Variants in TASP1 observed in about 807,000 individuals in gnomAD.
TASP1 encodes the protein threonine aspartase 1.
In TASP1, 16 loss-of-function variants were observed where a neutral mutation model predicts 56.6. The ratio of observed to expected loss-of-function variants is 0.28; its 90% CI spans 0.19 to 0.43. The LOEUF (loss-of-function observed/expected upper bound fraction) is 0.43. Among genes scored for constraint, TASP1 ranks in the 20% least tolerant of loss-of-function variants. The pLI is 1.00. For missense variants in TASP1, 393 were observed against 511.6 expected (o/e 0.77, Z 2.24); for synonymous variants, 179 against 184.2 (o/e 0.97, Z 0.23).
the TASP1 span, among the ~76,000 whole-genome samples, chr20:13,273,726 C>T: frequency 4.6e-5 from 7 of 152,144 alleles, no homozygotes; most frequent in South Asian, 2.1e-4. Context: ...AAAATTAATG[C>T]GGCTCCAGCC....
At chr20:13,344,211 T>C in the TASP1 span, among the ~76,000 whole-genome samples, 1 of 152,250 alleles carries the variant, frequency 6.6e-6, no homozygotes, top group Non-Finnish European at 1.5e-5. Context: ...ACCCTTGATC[T>C]TGACCTGCAA....
chr20:13,441,169 C>A lies in TASP1; in HGVS notation c.986-6015G>T, dbSNP rs1349624027. On this transcript the variant is annotated intron_variant, in intron 11 of 13. Transcript: ENST00000337743. ...CTCCCTTCATTCCCACTGACAAGAC[C>A]CTCAATGTATTCTCATTGTCCAAGA... Among the ~76,000 whole-genome samples, 4 of 152,238 alleles carry A rather than the reference C, an allele frequency of 2.6e-5. No homozygotes were observed. The East Asian group carries it at 5.8e-4, about 22-fold the overall frequency.
intron 11 of TASP1, among the ~76,000 whole-genome samples, chr20:13,445,669 T>C (rs957293599): frequency 6.6e-6 from 1 of 152,160 alleles, no homozygotes; most frequent in Admixed American, 6.6e-5. Flanking sequence ...AAGAAGTTCT[T>C]CGCCTTCAGA....
intron 1 of TASP1, among the ~76,000 whole-genome samples, chr20:13,637,863 A>C (rs2049366150): frequency 6.6e-6 from 1 of 152,226 alleles, no homozygotes; most frequent in Admixed American, 6.5e-5. Flanking sequence ...TGAAATTTAC[A>C]ATTTTAAAGA....
the TASP1 span, among the ~76,000 whole-genome samples, chr20:13,179,198 T>C: frequency 6.6e-6 from 1 of 152,198 alleles, no homozygotes; most frequent in Non-Finnish European, 1.5e-5. Flanking sequence ...CACTTACAAA[T>C]AGAATTTTTG....
intron 11 of TASP1, among the ~76,000 whole-genome samples, chr20:13,444,019 T>G (rs542651461): frequency 6.6e-6 from 1 of 152,322 alleles, no homozygotes; most frequent in South Asian, 2.1e-4. Flanking sequence ...GGTGCTGTAT[T>G]CTTGAACAAG....
intron 8 of TASP1, among the ~76,000 whole-genome samples, chr20:13,554,884 G>T (rs1352026426): frequency 6.6e-6 from 1 of 152,170 alleles, no homozygotes; most frequent in Non-Finnish European, 1.5e-5. Flanking sequence ...TAATCAGGGT[G>T]GCAGTTGCTC....
At chr20:13,364,734 CT>C in the TASP1 span, among the ~76,000 whole-genome samples, 2 of 151,842 alleles carry the variant, frequency 1.3e-5, no homozygotes, top group Non-Finnish European at 2.9e-5. Flanking sequence ...TTGAAGTGAC[CT>C]GGGGTAGTTT....
chr20:13,202,892 T>A, the TASP1 span, among the ~76,000 whole-genome samples: 1 of 152,212 alleles, frequency 6.6e-6, no homozygotes, highest in Non-Finnish European at 1.5e-5. Flanking sequence ...AAGATTATAG[T>A]CGGCTTCTAC....
chr20:13,205,100 T>C, the TASP1 span, among the ~76,000 whole-genome samples: 1 of 152,116 alleles, frequency 6.6e-6, no homozygotes, highest in Non-Finnish European at 1.5e-5. Context: ...GTCAAATTGC[T>C]CCTCTGCTTG....
the TASP1 span, among the ~76,000 whole-genome samples, chr20:13,347,874 C>G: frequency 2.0e-5 from 3 of 151,920 alleles, no homozygotes; most frequent in East Asian, 5.8e-4. Flanking sequence ...ATTTTTATTC[C>G]ATTTGCCTCA....
At chr20:13,627,978 G>A (rs1379490757) in intron 2 of TASP1, among the ~76,000 whole-genome samples, 1 of 152,118 alleles carries the variant, frequency 6.6e-6, no homozygotes, top group Non-Finnish European at 1.5e-5. Flanking sequence ...TTATGCACTG[G>A]TCTCCTACGG....
chr20:13,587,409 TAAAA>T (rs750294737), intron 4 of TASP1, 39 bp from the exon 5 acceptor site: 1 of 1,530,798 alleles, frequency 6.5e-7, no homozygotes, highest in African/African-American at 1.4e-5. Context: ...TCATTAGTCT[TAAAA>T]AAAGTATTAA....
intron 11 of TASP1, among the ~76,000 whole-genome samples, chr20:13,476,917 T>A (rs1230295499): frequency 6.6e-6 from 1 of 152,072 alleles, no homozygotes; most frequent in Non-Finnish European, 1.5e-5. Context: ...AAGCTCCAGA[T>A]GGCTACAAAG....
intron 8 of TASP1, among the ~76,000 whole-genome samples, chr20:13,545,414 T>C (rs942535976): frequency 2.6e-5 from 4 of 152,200 alleles, no homozygotes; most frequent in African/African-American, 4.8e-5. Flanking sequence ...GGGCCATTCA[T>C]ACATATTTCA....
At position 13,580,885 on chromosome 20, in the gene TASP1, C is replaced by A. The variant is rs1316070979; in HGVS notation, c.488+12G>T. On this transcript the variant is annotated intron_variant, in intron 6 of 13. Coordinates refer to ENST00000337743, the MANE Select transcript of TASP1 (RefSeq NM_017714.3). ...TAAAGACAGGGAAAGTCAGGAAGAA[C>A]AAAGTGGTTACCAGGGAGGAATTCT... 1 of 1,611,962 alleles carries A rather than the reference C, an allele frequency of 6.2e-7. No homozygotes were observed. Among genetic ancestry groups the A allele is most frequent in the Admixed American group, 1.7e-5 (1 of 59,846 alleles).
chr20:13,585,969 T>C (rs1437463305), intron 5 of TASP1, among the ~76,000 whole-genome samples: 1 of 151,946 alleles, frequency 6.6e-6, no homozygotes, highest in East Asian at 1.9e-4. Context: ...ACCCTGTTTC[T>C]ACTAAAAATG....
At position 13,588,246 on chromosome 20, in the gene TASP1, GAAGA is replaced by G. The variant is rs1235339859; in HGVS notation, c.283-880_283-877del. 5.6e-3 allele frequency among the ~76,000 whole-genome samples: 606 copies of G among 108,690 alleles called. 7 individuals are homozygous for G. Among genetic ancestry groups the G allele is most frequent in the African/African-American group, 0.021 (556 of 26,330 alleles). 71.3% of individuals were successfully genotyped at this position (108,690 alleles called of 152,430 possible). ...AGACAAAAAGGAGAAAGAAAGAAAG[GAAGA>G]AAGGAAGGAAGGAAGGAAGGAAGGA... On this transcript the variant is annotated intron_variant, in intron 4 of 13. Coordinates refer to ENST00000337743, the MANE Select transcript of TASP1 (RefSeq NM_017714.3).
intron 10 of TASP1, among the ~76,000 whole-genome samples, 196 bp downstream of exon 10, chr20:13,528,237 A>G (rs112592953): frequency 0.034 from 5,179 of 150,284 alleles, 126 homozygotes; most frequent in African/African-American, 0.054. Flanking sequence ...AAAAAAAAAA[A>G]AAAAAAAGAA....
Sources: gnomAD v4.1 joint callset for allele counts (sites outside exome capture counted in the v4.1 genomes callset) on GRCh38, gnomAD v4.1.1 for gene constraint, MANE v1.5 for transcripts, NCBI Gene and HGNC (gene_info 2026-07-23, HGNC 2026-07-21) for gene names.